Variants in RALGAPA1 observed in about 807,000 individuals in gnomAD.
RALGAPA1 encodes the protein ral GTPase-activating protein subunit alpha-1.
Under a neutral mutation model 269.6 loss-of-function variants are expected in RALGAPA1, and 52 were observed. The observed-to-expected ratio is 0.19, with a 90% CI of 0.15 to 0.24. RALGAPA1 has a LOEUF of 0.24. Ranked by LOEUF, RALGAPA1 falls within the 10% of genes least tolerant of loss-of-function variation. RALGAPA1 has a pLI of 1.00. For missense variants in RALGAPA1, 1,917 were observed against 3,013.9 expected (o/e 0.64, Z 8.52); for synonymous variants, 817 against 1,008.3 (o/e 0.81, Z 3.60).
At chr14:35,742,317 A>G in intron 11 of RALGAPA1, 51 bp downstream of exon 11, 1 of 1,279,396 alleles carries the variant, frequency 7.8e-7, no homozygotes, top group Non-Finnish European at 1.1e-6. Context: ...TTTCTGCAAA[A>G]CTCTTAATCT....
chr14:35,552,719 CAAAA>C (rs34917498), intron 39 of RALGAPA1, among the ~76,000 whole-genome samples: 6 of 117,020 alleles, frequency 5.1e-5, no homozygotes, highest in East Asian at 2.3e-4. Context: ...ACTAGCCAAT[CAAAA>C]AAAAAAAAAA....
intron 22 of RALGAPA1, chr14:35,677,526 A>T (rs2065049822): frequency 6.5e-6 from 1 of 153,026 alleles, no homozygotes; most frequent in Non-Finnish European, 1.5e-5. Flanking sequence ...TGCTGAATCA[A>T]AATAAAAAAA....
intron 10 of RALGAPA1, among the ~76,000 whole-genome samples, chr14:35,747,797 A>G (rs1225942902): frequency 2.0e-5 from 3 of 152,220 alleles, no homozygotes; most frequent in Non-Finnish European, 2.9e-5. Context: ...AGTAGTTTTC[A>G]TAAGGTTTCT....
chr14:35,605,477 T>A lies in RALGAPA1; in HGVS notation c.7053+109A>T, dbSNP rs2059541911. On this transcript the variant is annotated intron_variant, in intron 36 of 41. Coordinates refer to ENST00000680220, the MANE Select transcript of RALGAPA1 (RefSeq NM_001346249.2). ...GCAGAAACAATAACAAACTAGTTGT[T>A]AAGTTGTTGTATCTCCTAAAATAAT... The A allele has an allele frequency of 6.0e-6, 7 of 1,157,230 alleles. No individual in the cohort carries two copies. In the South Asian group the frequency reaches 1.2e-4, roughly 21 times the overall value. 71.7% of individuals were successfully genotyped at this position (1,157,230 alleles called of 1,614,324 possible). A position where few individuals can be genotyped will look rare whatever the true frequency, so the allele number is the denominator to read the frequency against.
intron 4 of RALGAPA1, among the ~76,000 whole-genome samples, chr14:35,767,268 T>C (rs2074233864): frequency 1.3e-5 from 2 of 152,168 alleles, no homozygotes; most frequent in South Asian, 2.1e-4. Flanking sequence ...TTATTGAATA[T>C]ACAACATGCT....
intron 10 of RALGAPA1, among the ~76,000 whole-genome samples, chr14:35,747,263 G>A (rs2072206834): frequency 1.3e-5 from 2 of 152,190 alleles, no homozygotes; most frequent in South Asian, 4.1e-4. Context: ...GATGTGATAA[G>A]CTTTGTCAAC....
At chr14:35,796,367 G>A (rs1293704413) in intron 1 of RALGAPA1, among the ~76,000 whole-genome samples, 1 of 152,090 alleles carries the variant, frequency 6.6e-6, no homozygotes, top group Non-Finnish European at 1.5e-5. Context: ...TAAACTATGA[G>A]ACCTTCCAAT....
At chr14:35,733,621 T>G (rs1355157941) in intron 12 of RALGAPA1, among the ~76,000 whole-genome samples, 2 of 151,846 alleles carry the variant, frequency 1.3e-5, no homozygotes, top group African/African-American at 4.8e-5. Flanking sequence ...TCAAAAAGAC[T>G]GAAACAGCAC....
intron 35 of RALGAPA1, among the ~76,000 whole-genome samples, chr14:35,619,518 T>TA (rs2060470280): frequency 1.3e-5 from 2 of 151,944 alleles, no homozygotes; most frequent in Non-Finnish European, 1.5e-5. Context: ...CTGAAAGAGA[T>TA]AAGAGACACA....
At chr14:35,753,741 A>G (rs1185758012) in intron 7 of RALGAPA1, among the ~76,000 whole-genome samples, 1 of 152,196 alleles carries the variant, frequency 6.6e-6, no homozygotes, top group Non-Finnish European at 1.5e-5. Flanking sequence ...GTTTCTTATT[A>G]GCACTAAAAT....
rs2053782988 is a variant in RALGAPA1, at chr14:35,539,646, G to C, written c.*68C>G. 1 of 1,614,018 alleles carries C rather than the reference G, an allele frequency of 6.2e-7. No individual in the cohort carries two copies. The highest frequency in any genetic ancestry group is 8.5e-7 in the Non-Finnish European group (1 of 1,180,032). On this transcript the variant is annotated 3_prime_UTR_variant, in exon 42 of 42. Transcript: ENST00000680220. ...GAGGCCAGGTCAGCCCCATCTACCT[G>C]CGTTGCTGTGGGAGTTTCACTGGGT...
rs1330384643 is a variant in RALGAPA1, at chr14:35,538,415, ACT to A, written c.*1297_*1298del. ...AAATACCATGTCATCTTTCCCCCCC[ACT>A]GTTACAAATTATAGATACTACATGA... On this transcript the variant is annotated 3_prime_UTR_variant, in exon 42 of 42. Transcript: ENST00000680220. 1 of 152,556 alleles carries A rather than the reference ACT, an allele frequency of 6.6e-6. No individual in the cohort carries two copies. The highest frequency in any genetic ancestry group is 1.5e-5 in the Non-Finnish European group (1 of 68,024). The allele number at this position is 152,556 out of a possible 1,614,324, so 9.5% of individuals were successfully genotyped here.
intron 28 of RALGAPA1, among the ~76,000 whole-genome samples, chr14:35,656,484 T>C (rs1475913134): frequency 6.6e-6 from 1 of 152,216 alleles, no homozygotes; most frequent in Non-Finnish European, 1.5e-5. Context: ...AGCAATATAA[T>C]TTCAGCTGGG....
chr14:35,750,392 T>A (rs540383901), intron 9 of RALGAPA1, 90 bp downstream of exon 9: 4 of 763,270 alleles, frequency 5.2e-6, no homozygotes, highest in Non-Finnish European at 8.6e-6. Flanking sequence ...ATTATTTAAG[T>A]GTACGCTCCA....
At chr14:35,778,371 T>C (rs574550487) in intron 1 of RALGAPA1, among the ~76,000 whole-genome samples, 21 of 152,316 alleles carry the variant, frequency 1.4e-4, no homozygotes, top group African/African-American at 4.8e-4. Flanking sequence ...AGTGATGTCT[T>C]ATCTATGTGA....
At chr14:35,766,531 CA>C (rs2074164344) in intron 4 of RALGAPA1, 1 of 1,061,510 alleles carries the variant, frequency 9.4e-7, no homozygotes, top group Admixed American at 1.8e-5. Flanking sequence ...TTGTGCACAT[CA>C]GAAGCAGCAT....
At chr14:35,691,029 A>C (rs2140467951) in intron 17 of RALGAPA1, among the ~76,000 whole-genome samples, 1 of 151,900 alleles carries the variant, frequency 6.6e-6, no homozygotes, top group Non-Finnish European at 1.5e-5. Flanking sequence ...AAATAATGCC[A>C]CTGCACTCCA....
chr14:35,674,299 G>T (rs1256642982), intron 23 of RALGAPA1, 21 bp from the exon 24 acceptor site: 2 of 1,569,254 alleles, frequency 1.3e-6, no homozygotes, highest in African/African-American at 2.7e-5. Context: ...CAAATAAAAA[G>T]CAACAAACCT....
intron 3 of RALGAPA1, among the ~76,000 whole-genome samples, chr14:35,772,809 C>T (rs180795787): frequency 4.6e-5 from 7 of 152,254 alleles, no homozygotes; most frequent in Non-Finnish European, 1.0e-4. Context: ...ATTCAATACG[C>T]CTATTTCTAA....
Sources: gnomAD v4.1 joint callset for allele counts (sites outside exome capture counted in the v4.1 genomes callset) on GRCh38, gnomAD v4.1.1 for gene constraint, MANE v1.5 for transcripts, NCBI Gene and HGNC (gene_info 2026-07-23, HGNC 2026-07-21) for gene names.